RBFOX1: variants seen among roughly 807,000 people sequenced by gnomAD.
RBFOX1 encodes RNA binding protein fox-1 homolog 1.
Under a neutral mutation model 57.7 loss-of-function variants are expected in RBFOX1, and 8 were observed. That is an observed-to-expected ratio of 0.14 (90% CI 0.08 to 0.25). RBFOX1 has a LOEUF of 0.25. RBFOX1 is among the 10% of genes least tolerant of loss of function. The pLI is 1.00. For synonymous variants in RBFOX1, 326 were observed against 222.4 expected (o/e 1.47, Z -4.15); for missense variants, 611 against 548.5 (o/e 1.11, Z -1.14).
intron 4 of RBFOX1, among the ~76,000 whole-genome samples, chr16:7,143,011 G>A (rs2152133938): frequency 1.3e-5 from 2 of 151,888 alleles, no homozygotes; most frequent in South Asian, 4.2e-4. Flanking sequence ...GGTTGAGAGT[G>A]CTTTAGGAGA....
chr16:6,519,157 A>G (rs1283163947), intron 2 of RBFOX1, among the ~76,000 whole-genome samples: 2 of 151,972 alleles, frequency 1.3e-5, no homozygotes, highest in Non-Finnish European at 2.9e-5. Context: ...TGCAGTCAAG[A>G]TATGGGGGGA....
chr16:6,814,993 C>T (rs1478192285), intron 3 of RBFOX1, among the ~76,000 whole-genome samples: 3 of 152,176 alleles, frequency 2.0e-5, no homozygotes, highest in South Asian at 2.1e-4. Flanking sequence ...GGCCGCCCAG[C>T]TGCTCATCCT....
intron 3 of RBFOX1, among the ~76,000 whole-genome samples, chr16:5,768,626 A>C (rs192972380): frequency 1.3e-4 from 20 of 152,326 alleles, no homozygotes; most frequent in Admixed American, 1.3e-3. Context: ...CATCATAGCC[A>C]AAATCTGCTC....
At chr16:6,391,446 C>T (rs933722688) in intron 2 of RBFOX1, among the ~76,000 whole-genome samples, 1 of 150,112 alleles carries the variant, frequency 6.7e-6, no homozygotes, top group Non-Finnish European at 1.5e-5. Flanking sequence ...GGAGGTGGAG[C>T]TTGCAGTGAG....
At chr16:7,000,535 A>G (rs754254260) in intron 3 of RBFOX1, among the ~76,000 whole-genome samples, 3 of 141,690 alleles carry the variant, frequency 2.1e-5, no homozygotes, top group Non-Finnish European at 3.1e-5. Context: ...TTTTTGTTCA[A>G]TTTTGCTTTT....
At chr16:7,162,882 G>C (rs2078659654) in intron 4 of RBFOX1, among the ~76,000 whole-genome samples, 3 of 152,120 alleles carry the variant, frequency 2.0e-5, no homozygotes, top group African/African-American at 7.2e-5. Flanking sequence ...GGTATTCCCT[G>C]GTCCTCCTTC....
At chr16:5,425,943 G>A (rs1271073615) in intron 1 of RBFOX1, among the ~76,000 whole-genome samples, 1 of 152,196 alleles carries the variant, frequency 6.6e-6, no homozygotes, top group Admixed American at 6.5e-5. Flanking sequence ...AAACACAACA[G>A]CGGCTTTAGC....
At chr16:6,393,771 T>G (rs1596523197) in intron 2 of RBFOX1, among the ~76,000 whole-genome samples, 1 of 152,320 alleles carries the variant, frequency 6.6e-6, no homozygotes, top group East Asian at 1.9e-4. Flanking sequence ...CATGTTATGT[T>G]AGAGGTCCAA....
At chr16:7,326,311 A>G (rs1269659611) in intron 4 of RBFOX1, among the ~76,000 whole-genome samples, 1 of 152,146 alleles carries the variant, frequency 6.6e-6, no homozygotes, top group Non-Finnish European at 1.5e-5. Context: ...AGCCCCATAG[A>G]TCACGAGTGC....
chr16:6,556,934 C>T (rs149508757), intron 2 of RBFOX1, among the ~76,000 whole-genome samples: 1 of 150,224 alleles, frequency 6.7e-6, no homozygotes, highest in African/African-American at 2.4e-5. Flanking sequence ...TCATCCATTG[C>T]TGAGCCATGT....
chr16:7,314,663 C>G (rs193138781), intron 4 of RBFOX1, among the ~76,000 whole-genome samples: 1 of 152,118 alleles, frequency 6.6e-6, no homozygotes, highest in Admixed American at 6.5e-5. Flanking sequence ...AATGGGCTGA[C>G]ACTCTTTTAT....
intron 2 of RBFOX1, among the ~76,000 whole-genome samples, chr16:6,615,837 C>T (rs913909164): frequency 6.6e-6 from 1 of 152,164 alleles, no homozygotes; most frequent in African/African-American, 2.4e-5. Context: ...TTCTCACAGG[C>T]ACTGTCTGCT....
At chr16:5,267,119 A>T (rs1363679444) in intron 1 of RBFOX1, among the ~76,000 whole-genome samples, 1 of 151,576 alleles carries the variant, frequency 6.6e-6, no homozygotes, top group African/African-American at 2.4e-5. Flanking sequence ...TGCTGGTTAC[A>T]TGGAAGGATG....
chr16:5,410,558 A>G (rs2066993570), intron 1 of RBFOX1, among the ~76,000 whole-genome samples: 1 of 152,220 alleles, frequency 6.6e-6, no homozygotes, highest in Non-Finnish European at 1.5e-5. Context: ...CAAGTCTTGC[A>G]CATTCCTGCA....
chr16:5,525,828 C>T (rs916441905), intron 2 of RBFOX1, among the ~76,000 whole-genome samples: 2 of 152,098 alleles, frequency 1.3e-5, no homozygotes, highest in African/African-American at 4.8e-5. Flanking sequence ...CAACAGTTCC[C>T]TCTAACAAAG....
intron 3 of RBFOX1, among the ~76,000 whole-genome samples, chr16:5,622,416 C>T (rs1302724215): frequency 6.6e-6 from 1 of 152,202 alleles, no homozygotes; most frequent in East Asian, 1.9e-4. Context: ...CTACTCAGTA[C>T]CTGGCGTAGT....
At chr16:6,907,975 G>T (rs1322609999) in intron 3 of RBFOX1, among the ~76,000 whole-genome samples, 1 of 151,628 alleles carries the variant, frequency 6.6e-6, no homozygotes, top group Non-Finnish European at 1.5e-5. Context: ...CGTGAGCATG[G>T]ATGTCTCTGT....
chr16:5,924,585 A>G (rs1247506493), intron 4 of RBFOX1, among the ~76,000 whole-genome samples: 3 of 152,114 alleles, frequency 2.0e-5, no homozygotes, highest in Non-Finnish European at 4.4e-5. Flanking sequence ...TTCCACCATA[A>G]GTAGAAGTAG....
chr16:5,338,197 A>C (rs370496105), intron 1 of RBFOX1, among the ~76,000 whole-genome samples: 14 of 152,198 alleles, frequency 9.2e-5, no homozygotes, highest in African/African-American at 3.4e-4. Flanking sequence ...CTATGAGAAC[A>C]TGATCTCATA....
Sources: gnomAD v4.1 joint callset for allele counts (sites outside exome capture counted in the v4.1 genomes callset) on GRCh38, gnomAD v4.1.1 for gene constraint, MANE v1.5 for transcripts, NCBI Gene and HGNC (gene_info 2026-07-23, HGNC 2026-07-21) for gene names.